Variants in DHX57 observed in about 807,000 individuals in gnomAD.
DHX57 encodes the protein putative ATP-dependent RNA helicase DHX57.
Under a neutral mutation model 156.2 loss-of-function variants are expected in DHX57, and 105 were observed. That is an observed-to-expected ratio of 0.67 (90% CI 0.57 to 0.79). DHX57 has a LOEUF of 0.79. Among genes scored for constraint, DHX57 ranks in the 30% least tolerant of loss-of-function variants. The pLI is 0.00. For missense variants in DHX57, 1,847 were observed against 1,661.9 expected (o/e 1.11, Z -1.94); for synonymous variants, 704 against 595.6 (o/e 1.18, Z -2.65).
intron 2 of DHX57, among the ~76,000 whole-genome samples, chr2:38,864,942 A>G (rs12712627): frequency 0.56 from 85,216 of 151,872 alleles, 25,631 homozygotes; most frequent in East Asian, 0.81. Flanking sequence ...ATTTTCCTTG[A>G]CCTACCAGAA....
chr2:38,847,482 G>A (rs1672353791), intron 10 of DHX57, among the ~76,000 whole-genome samples: 1 of 152,120 alleles, frequency 6.6e-6, no homozygotes, highest in Non-Finnish European at 1.5e-5. Flanking sequence ...TTATCAGTCA[G>A]TGTTTCCAAA....
In DHX57 at chr2:38,837,935, G is replaced by T; in HGVS notation, c.2438C>A (p.Ser813Ter). ...CATGATGGACATTGTTTTGATGACTGACTTGCTAACCCCTGAAAGAAAGAA... is the reference window on the plus strand; with the variant it reads ...CATGATGGACATTGTTTTGATGACTTACTTGCTAACCCCTGAAAGAAAGAA... Reference protein sequence around the residue: ...LLARYKGVSKSVIKTMSIMDF... With the variant: ...LLARYKGVSK The change falls in exon 13 of 24, where the codon TCA (serine) becomes TAA (stop). Residue 813 changes from serine (S) to a stop codon, truncating the protein, a stop_gained. Coordinates refer to ENST00000457308, the MANE Select transcript of DHX57 (RefSeq NM_198963.3). LOFTEE classifies it high-confidence loss of function. 4 of 1,609,678 alleles carry T rather than the reference G, an allele frequency of 2.5e-6. No homozygotes were observed. Among genetic ancestry groups the T allele is most frequent in the South Asian group, 1.1e-5 (1 of 90,920 alleles).
In DHX57 at chr2:38,823,189, G is replaced by T. The variant is rs1670916054; in HGVS notation, c.3095C>A (p.Ser1032Tyr). 1 of 1,614,056 alleles carries T rather than the reference G, an allele frequency of 6.2e-7. No individual in the cohort carries two copies. Among genetic ancestry groups the T allele is most frequent in the Non-Finnish European group, 8.5e-7 (1 of 1,180,046 alleles). ...SRLIEPPHTD[S>Y]LRASKIRLRD... ...TAATCGTATTTTTGAGGCACGAAGAGAATCGGTGTGTGGAGGTTCAATGAG... is the reference window on the plus strand; with the variant it reads ...TAATCGTATTTTTGAGGCACGAAGATAATCGGTGTGTGGAGGTTCAATGAG... Residue 1032 changes from serine to tyrosine, a missense_variant, in exon 17 of 24, where the codon TCT becomes TAT. Physicochemically the swap from Ser to Tyr is moderately radical, Grantham distance 144. Transcript: ENST00000457308.
chr2:38,829,961 G>T (rs202036603), intron 13 of DHX57, among the ~76,000 whole-genome samples: 11 of 152,092 alleles, frequency 7.2e-5, no homozygotes, highest in African/African-American at 2.7e-4. Context: ...CATGAAAACT[G>T]ATTATAGTAT....
At chr2:38,811,460 G>A (rs918342625) in intron 21 of DHX57, 4 of 641,350 alleles carry the variant, frequency 6.2e-6, no homozygotes, top group Admixed American at 3.8e-5. Context: ...CGAACTCCTT[G>A]CTGACGTCCT....
intron 21 of DHX57, among the ~76,000 whole-genome samples, chr2:38,813,376 GT>G (rs1045898471): frequency 4.6e-4 from 66 of 143,298 alleles, no homozygotes; most frequent in East Asian, 6.7e-4. Context: ...TGTATACTAA[GT>G]TTTTTTTTTT....
At chr2:38,815,748 C>G in intron 19 of DHX57, 93 bp from the exon 20 acceptor site, 1 of 1,500,668 alleles carries the variant, frequency 6.7e-7, no homozygotes. Flanking sequence ...TGCATTATTT[C>G]AGGGGGTAGC....
rs149233424 is a variant in DHX57, at chr2:38,819,918, C to A, written c.3292-774G>T. Among the ~76,000 whole-genome samples the A allele has an allele frequency of 2.9e-3, 435 of 152,288 alleles. 2 individuals carry two copies. The highest frequency in any genetic ancestry group is 0.01 in the Middle Eastern group (3 of 294). ...TGTTTACAAGTCTTCCTTTTCCCTA[C>A]AAATGTGTAAAATCAGCAGGGAAGT... On this transcript the variant is annotated intron_variant, in intron 17 of 23. Transcript: ENST00000457308.
chr2:38,815,890 A>C, intron 19 of DHX57: 1 of 545,758 alleles, frequency 1.8e-6, no homozygotes. Flanking sequence ...AAATTCAATA[A>C]ATCCAAGGAT....
chr2:38,848,443 C>A, intron 9 of DHX57, 41 bp from the exon 10 acceptor site: 1 of 1,539,546 alleles, frequency 6.5e-7, no homozygotes, highest in South Asian at 1.3e-5. Context: ...CAAACAAATT[C>A]AACACATGAA....
chr2:38,866,625 G>C (rs1295891392), intron 2 of DHX57, among the ~76,000 whole-genome samples: 1 of 152,102 alleles, frequency 6.6e-6, no homozygotes, highest in Non-Finnish European at 1.5e-5. Flanking sequence ...TTTACTCCCT[G>C]CTGCAATTCC....
In DHX57 at chr2:38,843,110, C is replaced by A. The variant is rs1385096038; in HGVS notation, c.2320G>T (p.Glu774Ter). The A allele has an allele frequency of 2.5e-6, 4 of 1,614,164 alleles. No homozygotes were observed. Among genetic ancestry groups the A allele is most frequent in the Non-Finnish European group, 2.5e-6 (3 of 1,180,026 alleles). The change falls in exon 12 of 24, where the codon GAA (glutamate) becomes TAA (stop). Residue 774 changes from glutamate (E) to a stop codon, truncating the protein, a stop_gained. Coordinates refer to ENST00000457308, the MANE Select transcript of DHX57 (RefSeq NM_198963.3). LOFTEE classifies it high-confidence loss of function. Reference sequence around the variant, plus strand: ...TGAAGGGAGAGCCTTAGGTCTTCTTCCACTTCTTCAAATGCAGTTCTGTTC... The same window carrying A: ...TGAAGGGAGAGCCTTAGGTCTTCTTACACTTCTTCAAATGCAGTTCTGTTC... ...RRNRTAFEEV[E>*]EDLRLSLHLQ... is the part of the protein sequence containing the mutation.
intron 2 of DHX57, among the ~76,000 whole-genome samples, chr2:38,866,010 G>C (rs781527419): frequency 2.0e-5 from 3 of 152,180 alleles, no homozygotes; most frequent in African/African-American, 7.2e-5. Flanking sequence ...GAAGAGGGAG[G>C]AAGGGACAGC....
chr2:38,800,249 G>C (rs969139501), intron 23 of DHX57, among the ~76,000 whole-genome samples: 1 of 151,550 alleles, frequency 6.6e-6, no homozygotes, highest in African/African-American at 2.4e-5. Context: ...AGCTACTCAG[G>C]ATGCTGAGGC....
chr2:38,865,875 C>T lies in DHX57; in HGVS notation c.224+2307G>A, dbSNP rs1396668015. On this transcript the variant is annotated intron_variant, in intron 2 of 23. Coordinates refer to ENST00000457308, the MANE Select transcript of DHX57 (RefSeq NM_198963.3). ...TCTACACTTGGAGAACATCTCCTAA[C>T]TGGTCTCCTTGCTTTCAACTCATGC... Among the ~76,000 whole-genome samples the T allele has an allele frequency of 2.0e-5, 3 of 152,192 alleles. No individual in the cohort carries two copies. In the East Asian group the frequency reaches 5.8e-4, roughly 29 times the overall value.
In DHX57 at chr2:38,861,781, ACATCTC is replaced by A; in HGVS notation, c.623_628del (p.Gly208_Asp209del). 6.2e-7 allele frequency: 1 copy of A among 1,614,008 alleles called. No individual in the cohort carries two copies. The highest frequency in any genetic ancestry group is 8.5e-7 in the Non-Finnish European group (1 of 1,179,952). ...AAGGAGATGCTCTAGTGATGCTCCC[ACATCTC>A]CATCACACATCCTCAGGACCGCTTG... On this transcript the variant is annotated inframe_deletion, in exon 5 of 24. Transcript: ENST00000457308.
At chr2:38,808,427 TTAATA>T (rs1470614694) in intron 21 of DHX57, among the ~76,000 whole-genome samples, 4 of 152,312 alleles carry the variant, frequency 2.6e-5, no homozygotes, top group Admixed American at 6.5e-5. Flanking sequence ...TTTTTTAAAC[TTAATA>T]TATTAAGAAC....
chr2:38,862,000 C>G, intron 4 of DHX57, 145 bp downstream of exon 4: 1 of 1,207,386 alleles, frequency 8.3e-7, no homozygotes, highest in Non-Finnish European at 1.1e-6. Flanking sequence ...CTGAATGACC[C>G]CTTCTGATAA....
chr2:38,846,109 G>A (rs1672272108), intron 11 of DHX57, among the ~76,000 whole-genome samples: 1 of 152,028 alleles, frequency 6.6e-6, no homozygotes, highest in South Asian at 2.1e-4. Flanking sequence ...CAGGTGATCT[G>A]CTCGCCTCGG....
Sources: allele counts gnomAD v4.1 joint callset (sites outside exome capture counted in the v4.1 genomes callset), GRCh38; gene constraint gnomAD v4.1.1; transcripts MANE v1.5; gene names NCBI Gene and HGNC (gene_info 2026-07-23, HGNC 2026-07-21).